TBC1D5: variants seen among roughly 807,000 people sequenced by gnomAD.
TBC1D5 encodes TBC1 domain family member 5.
Under a neutral mutation model 100.3 loss-of-function variants are expected in TBC1D5, and 75 were observed. The observed-to-expected ratio is 0.75, with a 90% CI of 0.62 to 0.91. The LOEUF is 0.91. TBC1D5 is among the 40% of genes least tolerant of loss of function. The probability of loss-of-function intolerance (pLI) is 0.00; values close to 1 mark genes in which losing one functional copy is unlikely to be tolerated. For synonymous variants in TBC1D5, 323 were observed against 325.6 expected, an observed-to-expected ratio of 0.99 and a Z score of 0.09; for missense variants, 910 against 942.4, an observed-to-expected ratio of 0.97 and a Z score of 0.45.
intron 17 of TBC1D5, among the ~76,000 whole-genome samples, chr3:17,232,476 T>C (rs1206880469): frequency 1.3e-5 from 2 of 152,174 alleles, no homozygotes; most frequent in Non-Finnish European, 2.9e-5. Context: ...AGAAATCATG[T>C]AGACATTATC....
intron 3 of TBC1D5, among the ~76,000 whole-genome samples, chr3:17,473,718 T>C (rs886693438): frequency 3.9e-5 from 6 of 152,202 alleles, no homozygotes; most frequent in Non-Finnish European, 8.8e-5. Context: ...AAAATGTCTA[T>C]GAATAAACAG....
At chr3:17,681,616 G>A (rs2069487547) in intron 1 of TBC1D5, among the ~76,000 whole-genome samples, 1 of 151,552 alleles carries the variant, frequency 6.6e-6, no homozygotes, top group Admixed American at 6.6e-5. Flanking sequence ...CATGTAACAC[G>A]CTTTTAAAGA....
At chr3:17,525,131 T>C (rs750158096) in intron 2 of TBC1D5, among the ~76,000 whole-genome samples, 1 of 152,094 alleles carries the variant, frequency 6.6e-6, no homozygotes, top group Non-Finnish European at 1.5e-5. Flanking sequence ...AAACAGGACA[T>C]GAGGATTTTT....
At chr3:17,647,930 T>C (rs1327581240) in intron 1 of TBC1D5, among the ~76,000 whole-genome samples, 1 of 152,140 alleles carries the variant, frequency 6.6e-6, no homozygotes, top group Non-Finnish European at 1.5e-5. Flanking sequence ...ACAGATTCAA[T>C]GCTATTTCTA....
At chr3:17,392,127 A>G (rs1464331111) in intron 8 of TBC1D5, among the ~76,000 whole-genome samples, 1 of 152,138 alleles carries the variant, frequency 6.6e-6, no homozygotes, top group Non-Finnish European at 1.5e-5. Flanking sequence ...GTGACTGTAA[A>G]AGCCTTTGTT....
intron 2 of TBC1D5, among the ~76,000 whole-genome samples, chr3:17,543,143 G>C (rs910228693): frequency 2.6e-5 from 4 of 152,034 alleles, no homozygotes; most frequent in African/African-American, 7.3e-5. Context: ...GGGGAGAGGA[G>C]AAGAAAAGAA....
chr3:17,488,612 C>A (rs1285096221), intron 3 of TBC1D5, among the ~76,000 whole-genome samples: 1 of 152,136 alleles, frequency 6.6e-6, no homozygotes, highest in African/African-American at 2.4e-5. Context: ...ATAAGAGTTT[C>A]TGTTGCTCCA....
chr3:17,260,470 G>A (rs766012606), intron 15 of TBC1D5, among the ~76,000 whole-genome samples: 2 of 152,100 alleles, frequency 1.3e-5, no homozygotes, highest in Admixed American at 6.6e-5. Context: ...CTCAAGTATT[G>A]CTTTCACTGA....
At chr3:17,564,292 A>G (rs1272638153) in intron 2 of TBC1D5, among the ~76,000 whole-genome samples, 1 of 152,228 alleles carries the variant, frequency 6.6e-6, no homozygotes, top group African/African-American at 2.4e-5. Context: ...TCACAGATCC[A>G]CTGCATTCTC....
intron 2 of TBC1D5, among the ~76,000 whole-genome samples, chr3:17,563,544 T>C (rs1005573447): frequency 4.6e-5 from 7 of 152,190 alleles, no homozygotes; most frequent in African/African-American, 1.7e-4. Context: ...CACCTGGAAT[T>C]ATCAAAGTAC....
intron 3 of TBC1D5, among the ~76,000 whole-genome samples, chr3:17,494,017 T>G (rs949745007): frequency 1.3e-5 from 2 of 152,248 alleles, no homozygotes; most frequent in African/African-American, 4.8e-5. Context: ...TGACTAGTTT[T>G]CAGCGTTTTT....
At chr3:17,240,889 G>A (rs1038181843) in intron 16 of TBC1D5, among the ~76,000 whole-genome samples, 1 of 152,000 alleles carries the variant, frequency 6.6e-6, no homozygotes. Flanking sequence ...AAGAGAATAC[G>A]GTTAATGCAT....
At chr3:17,724,207 T>C (rs2075934660) in intron 1 of TBC1D5, among the ~76,000 whole-genome samples, 1 of 151,972 alleles carries the variant, frequency 6.6e-6, no homozygotes, top group African/African-American at 2.4e-5. Flanking sequence ...CCCAAATGGC[T>C]GTGCCTATGG....
At chr3:17,163,793 G>A (rs1270981489) in intron 21 of TBC1D5, among the ~76,000 whole-genome samples, 1 of 152,186 alleles carries the variant, frequency 6.6e-6, no homozygotes, top group East Asian at 1.9e-4. Flanking sequence ...CTTGAAAAGT[G>A]GCTAGTGTGA....
chr3:17,195,829 A>T (rs147481873), intron 18 of TBC1D5, among the ~76,000 whole-genome samples: 13 of 151,650 alleles, frequency 8.6e-5, no homozygotes, highest in Admixed American at 3.9e-4. Flanking sequence ...GAAGGAAATA[A>T]TTCTCTAAAT....
chr3:17,651,032 T>C (rs2065497180), intron 1 of TBC1D5, among the ~76,000 whole-genome samples: 1 of 152,228 alleles, frequency 6.6e-6, no homozygotes, highest in Admixed American at 6.5e-5. Context: ...ATTATTGGGA[T>C]AGCTGCATAT....
intron 13 of TBC1D5, among the ~76,000 whole-genome samples, chr3:17,356,154 T>A (rs1330628109): frequency 6.6e-6 from 1 of 152,202 alleles, no homozygotes; most frequent in Admixed American, 6.5e-5. Context: ...TGTGTAACTT[T>A]AAAATTGCAA....
At chr3:17,358,755 T>C (rs1229241510) in intron 13 of TBC1D5, among the ~76,000 whole-genome samples, 1 of 152,220 alleles carries the variant, frequency 6.6e-6, no homozygotes, top group African/African-American at 2.4e-5. Context: ...GTACAATCTT[T>C]AATTTTAATT....
At chr3:17,665,879 T>C (rs2067204232) in intron 1 of TBC1D5, among the ~76,000 whole-genome samples, 3 of 152,154 alleles carry the variant, frequency 2.0e-5, no homozygotes, top group Non-Finnish European at 4.4e-5. Flanking sequence ...CTTGGACACA[T>C]TTTATTTTAA....
Sources: allele counts gnomAD v4.1 joint callset (sites outside exome capture counted in the v4.1 genomes callset), GRCh38; gene constraint gnomAD v4.1.1; transcripts MANE v1.5; gene names NCBI Gene and HGNC (gene_info 2026-07-23, HGNC 2026-07-21).